The following SPATA2L variants were observed in gnomAD, a reference collection of about 807,000 sequenced individuals.
SPATA2L encodes the protein spermatogenesis associated 2 like.
Under a neutral mutation model 8.7 loss-of-function variants are expected in SPATA2L, and 5 were observed. The observed-to-expected ratio is 0.57, with a 90% CI of 0.30 to 1.21. The LOEUF (loss-of-function observed/expected upper bound fraction) is 1.21. Among genes scored for constraint, SPATA2L ranks in the 50% most tolerant of loss-of-function variants. The pLI, the probability that SPATA2L is intolerant of heterozygous loss-of-function variation, is 0.07. For missense variants in SPATA2L, 671 were observed against 591.0 expected (o/e 1.14, Z -1.40); for synonymous variants, 358 against 275.8 (o/e 1.30, Z -2.95).
Position 89,697,196 on chromosome 16 carries a change from G to A in SPATA2L, c.*138C>T. 4.3e-6 allele frequency: 6 copies of A among 1,387,682 alleles called. No individual in the cohort carries two copies. Among genetic ancestry groups the A allele is most frequent in the Non-Finnish European group, 5.6e-6 (6 of 1,073,924 alleles). 86.0% of individuals were successfully genotyped at this position (1,387,682 alleles called of 1,614,324 possible). ...GAGAGTCCCACCTCCAGCAAGGGTT[G>A]GCCTGGACTCTCCAACCCCCTGCTG... On this transcript the variant is annotated 3_prime_UTR_variant, in exon 3 of 3. Transcript: ENST00000289805.
chr16:89,697,310 C>T lies in SPATA2L; in HGVS notation c.*24G>A. The T allele has an allele frequency of 6.7e-7, 1 of 1,490,428 alleles. No individual in the cohort carries two copies. The highest frequency in any genetic ancestry group is 8.9e-7 in the Non-Finnish European group (1 of 1,123,662). 92.3% of individuals were successfully genotyped at this position (1,490,428 alleles called of 1,614,324 possible). A position where few individuals can be genotyped will look rare whatever the true frequency, so the allele number is the denominator to read the frequency against. ...CACCACGGGAGCTGTCTCCCAAGAG[C>T]CCTTGACCTGGGGCCCAGCTGGCCT... On this transcript the variant is annotated 3_prime_UTR_variant, in exon 3 of 3. Coordinates refer to ENST00000289805, the MANE Select transcript of SPATA2L (RefSeq NM_152339.4).
chr16:89,696,932 A>G lies in SPATA2L; in HGVS notation c.*402T>C. 5 of 1,516,838 alleles carry G rather than the reference A, an allele frequency of 3.3e-6. No homozygotes were observed. Among genetic ancestry groups the G allele is most frequent in the Non-Finnish European group, 4.4e-6 (5 of 1,133,332 alleles). 94.0% of individuals were successfully genotyped at this position (1,516,838 alleles called of 1,614,324 possible). A position where few individuals can be genotyped will look rare whatever the true frequency, so the allele number is the denominator to read the frequency against. The stretch of plus-strand genomic sequence containing the variant: ...GACACTCGTGTGGAGAATCCCTGGG[A>G]CACGTGGAGGACCCCCAAGTCCTGA... On this transcript the variant is annotated 3_prime_UTR_variant, in exon 3 of 3. Transcript: ENST00000289805.
intron 2 of SPATA2L, 84 bp downstream of exon 2, chr16:89,700,846 C>G (rs1184948932): frequency 2.2e-6 from 3 of 1,356,326 alleles, no homozygotes; most frequent in Non-Finnish European, 2.9e-6. Context: ...CCCTCTCTCT[C>G]GAAAGGCGTG....
At chr16:89,701,325 C>T in intron 1 of SPATA2L, 92 bp from the exon 2 acceptor site, 1 of 1,275,674 alleles carries the variant, frequency 7.8e-7, no homozygotes, top group Non-Finnish European at 1.0e-6. Flanking sequence ...GTCCCCAGGA[C>T]CCCTCGAGCC....
At position 89,697,735 on chromosome 16, in the gene SPATA2L, G is replaced by A. The variant is rs1439244970; in HGVS notation, c.874C>T (p.Pro292Ser). 1 of 1,608,708 alleles carries A rather than the reference G, an allele frequency of 6.2e-7. No homozygotes were observed. The highest frequency in any genetic ancestry group is 8.5e-7 in the Non-Finnish European group (1 of 1,178,076). Residue 292 changes from proline (P) to serine (S), a missense_variant, in exon 3 of 3, where the codon CCA becomes TCA. Coordinates refer to ENST00000289805, the MANE Select transcript of SPATA2L (RefSeq NM_152339.4). ...AGCCCCTCCTCCAAGGCCCCATATG[G>A]TGGGCTGCTGGCCTGCGGCAGCTCC... ...AEELPQASSP[P>S]YGALEEGLEP...
chr16:89,698,087 G>T lies in SPATA2L; in HGVS notation c.522C>A (p.Thr174=), dbSNP rs1165518376. 1.9e-6 allele frequency: 3 copies of T among 1,600,808 alleles called. No homozygotes were observed. Among genetic ancestry groups the T allele is most frequent in the South Asian group, 2.2e-5 (2 of 90,770 alleles). The change falls in exon 3 of 3, where the codon ACC becomes ACA. Residue 174 remains threonine, a synonymous_variant. Transcript: ENST00000289805. ...GCAGCTCCTCAGCTGGCAGCACACT[G>T]GTGCCCAGCTGGGCCAGCACCTCAC... is the stretch of plus-strand genomic sequence containing the variant. ...ILGEVLAQLG[T]SVLPAEELLQ...
intron 2 of SPATA2L, among the ~76,000 whole-genome samples, chr16:89,700,517 A>T (rs938871436): frequency 3.3e-5 from 5 of 152,156 alleles, no homozygotes; most frequent in African/African-American, 9.7e-5. Flanking sequence ...ACAGGGATGC[A>T]CCCATCTGCA....
Position 89,696,911 on chromosome 16 carries a change from C to CT in SPATA2L, c.*422dup. ...TGTCACCAACAGGCCCTTGAGGACA[C>CT]TCGTGTGGAGAATCCCTGGGACACG... On this transcript the variant is annotated 3_prime_UTR_variant, in exon 3 of 3. Transcript: ENST00000289805. 1 of 1,530,114 alleles carries CT rather than the reference C, an allele frequency of 6.5e-7. No individual in the cohort carries two copies. Among genetic ancestry groups the CT allele is most frequent in the Non-Finnish European group, 8.7e-7 (1 of 1,142,922 alleles). 94.8% of individuals were successfully genotyped at this position (1,530,114 alleles called of 1,614,324 possible). A position where few individuals can be genotyped will look rare whatever the true frequency, so the allele number is the denominator to read the frequency against.
At chr16:89,700,162 C>G (rs920413303) in intron 2 of SPATA2L, among the ~76,000 whole-genome samples, 7 of 152,232 alleles carry the variant, frequency 4.6e-5, no homozygotes, top group African/African-American at 1.7e-4. Context: ...CAGGGCTGTC[C>G]GGCACTGAAG....
chr16:89,700,530 C>T (rs1488511378), intron 2 of SPATA2L, among the ~76,000 whole-genome samples: 3 of 152,242 alleles, frequency 2.0e-5, no homozygotes, highest in East Asian at 1.9e-4. Flanking sequence ...CATCTGCAGT[C>T]CTCCCAGCCT....
intron 2 of SPATA2L, among the ~76,000 whole-genome samples, chr16:89,700,146 C>T (rs1723640952): frequency 6.6e-6 from 1 of 152,262 alleles, no homozygotes; most frequent in African/African-American, 2.4e-5. Context: ...AGAACTAAGT[C>T]CAAACCAGGG....
intron 2 of SPATA2L, among the ~76,000 whole-genome samples, chr16:89,699,898 C>G (rs971893837): frequency 6.6e-6 from 1 of 152,226 alleles, no homozygotes; most frequent in Non-Finnish European, 1.5e-5. Context: ...TAAAGGAGCT[C>G]AGGACAATCA....
chr16:89,697,777 A>G lies in SPATA2L; in HGVS notation c.832T>C (p.Trp278Arg), dbSNP rs879329420. Reference protein sequence around the residue: ...AKLWGTGGRAWEPPAEELPQA... With the variant: ...AKLWGTGGRAREPPAEELPQA... ...GGCAGCTCCTCAGCTGGGGGCTCCCAGGCCCGGCCCCCAGTGCCCCACAGT... is the reference window on the plus strand; with the variant it reads ...GGCAGCTCCTCAGCTGGGGGCTCCCGGGCCCGGCCCCCAGTGCCCCACAGT... The change falls in exon 3 of 3, where the codon TGG (tryptophan) becomes CGG (arginine). Residue 278 changes from tryptophan to arginine, a missense_variant. Coordinates refer to ENST00000289805, the MANE Select transcript of SPATA2L (RefSeq NM_152339.4). The G allele has an allele frequency of 1.2e-6, 2 of 1,600,282 alleles. No individual in the cohort carries two copies. Among genetic ancestry groups the G allele is most frequent in the Non-Finnish European group, 1.7e-6 (2 of 1,174,608 alleles).
At chr16:89,699,939 T>G (rs1219730575) in intron 2 of SPATA2L, among the ~76,000 whole-genome samples, 1 of 152,216 alleles carries the variant, frequency 6.6e-6, no homozygotes, top group East Asian at 1.9e-4. Flanking sequence ...TCAAATTCCC[T>G]AACTCCGGGA....
At chr16:89,698,704 C>G (rs2060755360) in intron 2 of SPATA2L, among the ~76,000 whole-genome samples, 2 of 151,722 alleles carry the variant, frequency 1.3e-5, no homozygotes, top group South Asian at 4.2e-4. Context: ...CCATGCTGGT[C>G]TCAAACTCCT....
rs185037167 is a variant in SPATA2L at position 89,697,349 on chromosome 16, G to A, written c.1260C>T (p.Pro420=). 4.3e-4 allele frequency: 661 copies of A among 1,521,268 alleles called. 2 individuals carry two copies. The African/African-American group carries it at 6.8e-3, about 16-fold the overall frequency. 94.2% of individuals were successfully genotyped at this position (1,521,268 alleles called of 1,614,324 possible). The change falls in exon 3 of 3, where the codon CCC becomes CCT. Residue 420 remains proline, a synonymous_variant. Transcript: ENST00000289805. ...CCCAGCTGGCCTAGGGCCGGGCCCC[G>A]GGGCTGTTGTAGAGCAGAGTGTCCA... is the stretch of plus-strand genomic sequence containing the variant. ...AQMDTLLYNS[P]GARP
In SPATA2L at chr16:89,696,830, A is replaced by G. The variant is rs764967444; in HGVS notation, c.*504T>C. The G allele has an allele frequency of 3.3e-6, 5 of 1,535,036 alleles. No individual in the cohort carries two copies. In the South Asian group the frequency reaches 6.0e-5, roughly 18 times the overall value. ...GTCCCCGAAGCCAGGTCAGCCGTGC[A>G]CCCGGCAGAGCCCCGCAGATTGGCT... On this transcript the variant is annotated 3_prime_UTR_variant, in exon 3 of 3. Transcript: ENST00000289805.
At position 89,697,515 on chromosome 16, in the gene SPATA2L, G is replaced by A. The variant is rs941200260; in HGVS notation, c.1094C>T (p.Ala365Val). Residue 365 changes from alanine to valine, a missense_variant, in exon 3 of 3, where the codon GCC becomes GTC. Transcript: ENST00000289805. Reference protein sequence around the residue: ...YQAHSCLSPGALPTLCCDTCR... With the variant: ...YQAHSCLSPGVLPTLCCDTCR... ...GGTGTCGCAGCAGAGGGTGGGCAGG[G>A]CGCCAGGGGACAGGCAGCTGTGTGC... 8 of 1,597,914 alleles carry A rather than the reference G, an allele frequency of 5.0e-6. No individual in the cohort carries two copies. The Admixed American group carries it at 1.3e-4, about 27-fold the overall frequency.
rs752764428 is a variant in SPATA2L at position 89,697,892 on chromosome 16, G to A, written c.717C>T (p.Asp239=). 9.3e-6 allele frequency: 15 copies of A among 1,611,704 alleles called. No individual in the cohort carries two copies. The South Asian group carries it at 1.4e-4, about 15-fold the overall frequency. ...GTGACGGCTCCCCATACAGGCTGGCGTCCTCCGACCCCTCGTCTTCCTGCA... is the reference window on the plus strand; with the variant it reads ...GTGACGGCTCCCCATACAGGCTGGCATCCTCCGACCCCTCGTCTTCCTGCA... ...RDLQEDEGSE[D]ASLYGEPSPG... Residue 239 remains aspartate (D), a synonymous_variant, in exon 3 of 3, where the codon GAC becomes GAT. Coordinates refer to ENST00000289805, the MANE Select transcript of SPATA2L (RefSeq NM_152339.4).
Sources: gnomAD v4.1 joint callset for allele counts (sites outside exome capture counted in the v4.1 genomes callset) on GRCh38, gnomAD v4.1.1 for gene constraint, MANE v1.5 for transcripts, NCBI Gene and HGNC (gene_info 2026-07-23, HGNC 2026-07-21) for gene names.